SLC8A3: variants seen among roughly 807,000 people sequenced by gnomAD.
The protein encoded by SLC8A3 is sodium/calcium exchanger 3.
SLC8A3 carries 37 observed loss-of-function variants against 65.4 expected under a neutral mutation model. The ratio of observed to expected loss-of-function variants is 0.57; its 90% CI spans 0.44 to 0.74. SLC8A3 has a LOEUF of 0.74. SLC8A3 is among the 30% of genes least tolerant of loss of function. SLC8A3 has a pLI of 0.00. For synonymous variants in SLC8A3, 461 were observed against 444.5 expected, an observed-to-expected ratio of 1.04 and a Z score of -0.47; for missense variants, 1,112 against 1,172.1, an observed-to-expected ratio of 0.95 and a Z score of 0.75.
chr14:70,139,718 T>C (rs1895442709), intron 2 of SLC8A3, among the ~76,000 whole-genome samples: 1 of 152,174 alleles, frequency 6.6e-6, no homozygotes, highest in African/African-American at 2.4e-5. Flanking sequence ...AGACAGCTGC[T>C]GGAACAAACA....
intron 2 of SLC8A3, among the ~76,000 whole-genome samples, chr14:70,157,485 T>C (rs1896640473): frequency 6.6e-6 from 1 of 152,126 alleles, no homozygotes; most frequent in Non-Finnish European, 1.5e-5. Flanking sequence ...AGATTTCTTC[T>C]CTTGAAAATT....
intron 2 of SLC8A3, among the ~76,000 whole-genome samples, chr14:70,117,374 CTGGCAT>C (rs1893740024): frequency 6.6e-6 from 1 of 152,238 alleles, no homozygotes; most frequent in Admixed American, 6.5e-5. Flanking sequence ...CTTTGTGTGA[CTGGCAT>C]TGTGTTCCAC....
intron 2 of SLC8A3, among the ~76,000 whole-genome samples, chr14:70,158,175 C>G (rs1019137189): frequency 1.3e-5 from 2 of 152,142 alleles, no homozygotes; most frequent in African/African-American, 4.8e-5. Context: ...TTAGAAGAGA[C>G]AGCAAATGTA....
intron 2 of SLC8A3, among the ~76,000 whole-genome samples, chr14:70,067,194 C>T (rs1013401528): frequency 2.0e-5 from 3 of 152,176 alleles, no homozygotes; most frequent in East Asian, 3.9e-4. Flanking sequence ...CGCTCTTCAC[C>T]GGGGTCTGTG....
chr14:70,169,357 C>T (rs1241172256), intron 1 of SLC8A3, among the ~76,000 whole-genome samples: 1 of 152,168 alleles, frequency 6.6e-6, no homozygotes, highest in Admixed American at 6.5e-5. Context: ...GTAAAACCTG[C>T]TTATGAGCAG....
intron 2 of SLC8A3, among the ~76,000 whole-genome samples, chr14:70,107,452 G>T (rs1337211461): frequency 6.6e-6 from 1 of 152,038 alleles, no homozygotes; most frequent in African/African-American, 2.4e-5. Flanking sequence ...TATCGACAAG[G>T]GCACCCAAGG....
intron 3 of SLC8A3, among the ~76,000 whole-genome samples, chr14:70,057,687 T>C: frequency 6.6e-6 from 1 of 152,222 alleles, no homozygotes; most frequent in East Asian, 1.9e-4. Context: ...TTCCTGCTGC[T>C]GCTCATGAGA....
At chr14:70,176,980 G>A (rs1897946440) in intron 1 of SLC8A3, among the ~76,000 whole-genome samples, 1 of 152,152 alleles carries the variant, frequency 6.6e-6, no homozygotes, top group Non-Finnish European at 1.5e-5. Context: ...ATTCATGCAT[G>A]CATGCATTTA....
chr14:70,061,215 C>T (rs138021577), intron 2 of SLC8A3, among the ~76,000 whole-genome samples: 12 of 152,174 alleles, frequency 7.9e-5, no homozygotes, highest in African/African-American at 2.9e-4. Context: ...GCCAGAAGGA[C>T]AGAAGGGGAG....
intron 1 of SLC8A3, among the ~76,000 whole-genome samples, chr14:70,169,400 C>T (rs994089008): frequency 5.3e-5 from 8 of 151,994 alleles, no homozygotes; most frequent in Non-Finnish European, 8.8e-5. Context: ...GATGATCATC[C>T]GCCAGCCACT....
At chr14:70,174,436 T>C (rs893364100) in intron 1 of SLC8A3, among the ~76,000 whole-genome samples, 1 of 152,258 alleles carries the variant, frequency 6.6e-6, no homozygotes, top group African/African-American at 2.4e-5. Context: ...CAGTCAAACA[T>C]GCTTTGATGA....
chr14:70,072,207 T>C (rs1292690109), intron 2 of SLC8A3, among the ~76,000 whole-genome samples: 1 of 152,220 alleles, frequency 6.6e-6, no homozygotes, highest in East Asian at 1.9e-4. Context: ...ACTCCTCTGC[T>C]TTCCTAATTA....
intron 2 of SLC8A3, among the ~76,000 whole-genome samples, chr14:70,068,112 T>A (rs1889646026): frequency 6.6e-6 from 1 of 152,240 alleles, no homozygotes; most frequent in Non-Finnish European, 1.5e-5. Context: ...CTGGGCTGCC[T>A]GGCTGGCCTT....
chr14:70,066,153 G>A (rs1889401130), intron 2 of SLC8A3, among the ~76,000 whole-genome samples: 1 of 152,190 alleles, frequency 6.6e-6, no homozygotes, highest in South Asian at 2.1e-4. Context: ...GGAGGAGGCA[G>A]GGTATAGGAT....
intron 2 of SLC8A3, among the ~76,000 whole-genome samples, chr14:70,068,024 C>G (rs1889634635): frequency 6.6e-6 from 1 of 152,206 alleles, no homozygotes; most frequent in African/African-American, 2.4e-5. Flanking sequence ...CCAGAACAGA[C>G]CTGGCTGAGC....
At chr14:70,188,166 A>C (rs1315449893) in intron 1 of SLC8A3, among the ~76,000 whole-genome samples, 1 of 151,976 alleles carries the variant, frequency 6.6e-6, no homozygotes, top group African/African-American at 2.4e-5. Context: ...CACTGCATAC[A>C]CAATGTACAC....
chr14:70,095,791 C>G (rs992539746), intron 2 of SLC8A3, among the ~76,000 whole-genome samples: 2 of 152,142 alleles, frequency 1.3e-5, no homozygotes, highest in Non-Finnish European at 2.9e-5. Flanking sequence ...GGGGAAAAGA[C>G]AGGAAGGTAC....
At chr14:70,093,418 C>A (rs1891936638) in intron 2 of SLC8A3, among the ~76,000 whole-genome samples, 1 of 152,222 alleles carries the variant, frequency 6.6e-6, no homozygotes, top group African/African-American at 2.4e-5. Flanking sequence ...AAAGCAGCTT[C>A]ACTTCTCTGG....
In SLC8A3 at chr14:70,167,618, T is replaced by G. The variant is rs373562717; in HGVS notation, c.805A>C (p.Lys269Gln). 2.5e-6 allele frequency: 4 copies of G among 1,614,044 alleles called. No individual in the cohort carries two copies. Among genetic ancestry groups the G allele is most frequent in the Middle Eastern group, 1.6e-4 (1 of 6,084 alleles). ...GTCTCTATGATAATTCCTCGGTGTT[T>G]GTCTGTGCGGTACTTTTTGTGCATG... ...KYMHKKYRTD[K>Q]HRGIIIETEG... is the part of the protein sequence containing the mutation. Residue 269 changes from lysine (K) to glutamine (Q), a missense_variant, in exon 2 of 7, where the codon AAA becomes CAA. Physicochemically the swap from Lys to Gln is moderately conservative, Grantham distance 53. Transcript: ENST00000356921.
Sources: allele counts gnomAD v4.1 joint callset (sites outside exome capture counted in the v4.1 genomes callset), GRCh38; gene constraint gnomAD v4.1.1; transcripts MANE v1.5; gene names NCBI Gene and HGNC (gene_info 2026-07-23, HGNC 2026-07-21).